The following NBEA variants were observed in gnomAD, a reference collection of about 807,000 sequenced individuals.
The protein encoded by NBEA is lysosomal-trafficking regulator 2.
NBEA carries 44 observed loss-of-function variants against 343.4 expected under a neutral mutation model. The ratio of observed to expected loss-of-function variants is 0.13; its 90% CI spans 0.10 to 0.16. NBEA has a LOEUF of 0.16. Among genes scored for constraint, NBEA ranks in the 10% least tolerant of loss-of-function variants. The probability of loss-of-function intolerance (pLI) is 1.00; values close to 1 mark genes in which losing one functional copy is unlikely to be tolerated. For missense variants in NBEA, 2,555 were observed against 3,631.3 expected, an observed-to-expected ratio of 0.70 and a Z score of 7.62; for synonymous variants, 1,175 against 1,238.7, an observed-to-expected ratio of 0.95 and a Z score of 1.08.
intron 35 of NBEA, among the ~76,000 whole-genome samples, chr13:35,305,978 T>C (rs1293216369): frequency 6.6e-6 from 1 of 152,192 alleles, no homozygotes; most frequent in East Asian, 1.9e-4. Context: ...ACTCTCATAT[T>C]GAAAAATTGG....
At chr13:35,340,153 G>A (rs576741900) in intron 36 of NBEA, among the ~76,000 whole-genome samples, 1 of 152,130 alleles carries the variant, frequency 6.6e-6, no homozygotes, top group African/African-American at 2.4e-5. Flanking sequence ...TTAAAAGTAG[G>A]GACTCTAAGT....
chr13:34,989,462 C>T (rs2060671664), intron 1 of NBEA, among the ~76,000 whole-genome samples: 1 of 150,846 alleles, frequency 6.6e-6, no homozygotes, highest in African/African-American at 2.4e-5. Flanking sequence ...CATGGTGGAG[C>T]AGGATAGAGG....
At chr13:35,355,636 G>C (rs1240274266) in intron 38 of NBEA, among the ~76,000 whole-genome samples, 1 of 151,990 alleles carries the variant, frequency 6.6e-6, no homozygotes, top group African/African-American at 2.4e-5. Context: ...GGCCCTACAT[G>C]GTTTAGTCTT....
At chr13:35,658,928 A>G (rs962669732) in intron 55 of NBEA, among the ~76,000 whole-genome samples, 1 of 152,184 alleles carries the variant, frequency 6.6e-6, no homozygotes, top group Middle Eastern at 3.2e-3. Flanking sequence ...ATTGACTGCC[A>G]TATCAGTGCC....
intron 48 of NBEA, among the ~76,000 whole-genome samples, chr13:35,608,660 T>C (rs1045934388): frequency 6.6e-6 from 1 of 152,182 alleles, no homozygotes; most frequent in African/African-American, 2.4e-5. Flanking sequence ...ATATAGTCTA[T>C]TAAGTCCAAA....
At chr13:35,333,472 A>G (rs191928561) in intron 36 of NBEA, among the ~76,000 whole-genome samples, 46 of 152,226 alleles carry the variant, frequency 3.0e-4, no homozygotes, top group Non-Finnish European at 4.4e-4. Flanking sequence ...CAAGTGTGCA[A>G]TGCATAATAA....
chr13:35,618,256 AAAC>A (rs1425117201), intron 48 of NBEA, among the ~76,000 whole-genome samples: 1 of 152,184 alleles, frequency 6.6e-6, no homozygotes, highest in Admixed American at 6.5e-5. Flanking sequence ...TCCTTCTTTC[AAAC>A]TGTCATTAAG....
In NBEA at chr13:35,209,403, T is replaced by G. The variant is rs184875538; in HGVS notation, c.5521+549T>G. Among the ~76,000 whole-genome samples the G allele has an allele frequency of 5.9e-5, 9 of 152,292 alleles. No homozygotes were observed. The East Asian group carries it at 1.4e-3, about 23-fold the overall frequency. ...CGTTGAATTAATTCATATACATAGA[T>G]TATAACTTGATCCAATTCATTGCCC... is the stretch of plus-strand genomic sequence containing the variant. On this transcript the variant is annotated intron_variant, in intron 32 of 58. Coordinates refer to ENST00000379939, the MANE Select transcript of NBEA (RefSeq NM_001385012.1).
chr13:35,446,446 G>A (rs1216493633), intron 39 of NBEA, among the ~76,000 whole-genome samples: 2 of 152,242 alleles, frequency 1.3e-5, no homozygotes, highest in South Asian at 2.1e-4. Flanking sequence ...GTGTAAAAGT[G>A]TTCCTATTTC....
chr13:35,265,613 G>A (rs1378399184), intron 34 of NBEA, among the ~76,000 whole-genome samples: 3 of 151,756 alleles, frequency 2.0e-5, no homozygotes, highest in Non-Finnish European at 3.0e-5. Flanking sequence ...AGTGGAGGTA[G>A]GGAGACTCTT....
chr13:35,274,266 A>G (rs180742441), intron 34 of NBEA, among the ~76,000 whole-genome samples: 1 of 152,358 alleles, frequency 6.6e-6, no homozygotes, highest in Admixed American at 6.5e-5. Context: ...CAAAAACCAC[A>G]TGGTTATCTC....
chr13:35,654,920 G>A lies in NBEA; in HGVS notation c.8101G>A (p.Ala2701Thr), dbSNP rs1174123298. ...CGTTGACCAGAGTATACAAATCAAT[G>A]CACATTGTTTTGTGGTAACAGCAGA... ...DLVDQSIQIN[A>T]HCFVVTADNR... is the part of the protein sequence containing the mutation. Residue 2701 changes from alanine (A) to threonine (T), a missense_variant, in exon 54 of 59, where the codon GCA becomes ACA. By Grantham distance (58) the Ala-to-Thr change is moderately conservative. Transcript: ENST00000379939. 8 of 1,590,658 alleles carry A rather than the reference G, an allele frequency of 5.0e-6. No homozygotes were observed. The highest frequency in any genetic ancestry group is 1.8e-5 in the Admixed American group (1 of 54,454).
At chr13:35,243,072 A>G (rs143939517) in intron 34 of NBEA, among the ~76,000 whole-genome samples, 2 of 152,034 alleles carry the variant, frequency 1.3e-5, no homozygotes, top group Non-Finnish European at 3.0e-5. Flanking sequence ...AAACAAACCT[A>G]TGAATCTATG....
intron 1 of NBEA, among the ~76,000 whole-genome samples, chr13:35,038,699 G>A (rs538437924): frequency 6.6e-6 from 1 of 152,124 alleles, no homozygotes; most frequent in African/African-American, 2.4e-5. Flanking sequence ...ATGACCTCAG[G>A]GTGCCCTATT....
intron 34 of NBEA, among the ~76,000 whole-genome samples, chr13:35,243,259 G>T (rs1272338455): frequency 2.0e-5 from 3 of 151,624 alleles, no homozygotes; most frequent in African/African-American, 7.3e-5. Flanking sequence ...TAACCACAAA[G>T]AAAATTTCTA....
intron 18 of NBEA, among the ~76,000 whole-genome samples, chr13:35,145,300 G>T (rs2068349522): frequency 6.6e-6 from 1 of 152,168 alleles, no homozygotes; most frequent in Non-Finnish European, 1.5e-5. Flanking sequence ...GGTTGTAGAG[G>T]CCTGACCTTT....
intron 38 of NBEA, among the ~76,000 whole-genome samples, chr13:35,357,599 T>C (rs2040563746): frequency 6.6e-6 from 1 of 152,132 alleles, no homozygotes; most frequent in Non-Finnish European, 1.5e-5. Context: ...GGCCCCCAGC[T>C]CCATCCATGT....
intron 36 of NBEA, among the ~76,000 whole-genome samples, chr13:35,338,037 T>A (rs1243480310): frequency 1.3e-5 from 2 of 151,166 alleles, no homozygotes; most frequent in African/African-American, 4.9e-5. Flanking sequence ...TAACATAACC[T>A]CCCCGCCCCC....
chr13:35,382,132 G>C (rs1035808506), intron 38 of NBEA, among the ~76,000 whole-genome samples: 1 of 152,000 alleles, frequency 6.6e-6, no homozygotes, highest in African/African-American at 2.4e-5. Flanking sequence ...ATCTTATATA[G>C]GGCACTAGCC....
Sources: allele counts gnomAD v4.1 joint callset (sites outside exome capture counted in the v4.1 genomes callset), GRCh38; gene constraint gnomAD v4.1.1; transcripts MANE v1.5; gene names NCBI Gene and HGNC (gene_info 2026-07-23, HGNC 2026-07-21).